Variants in SPON2 observed in about 807,000 individuals in gnomAD.
SPON2 encodes spondin-2.
SPON2 carries 32 observed loss-of-function variants against 29.9 expected under a neutral mutation model. The observed-to-expected ratio is 1.07, with a 90% CI of 0.81 to 1.44. The LOEUF is 1.44. Among genes scored for constraint, SPON2 ranks in the 40% most tolerant of loss-of-function variants. The probability of loss-of-function intolerance (pLI) is 0.00; values close to 1 mark genes in which losing one functional copy is unlikely to be tolerated. For synonymous variants in SPON2, 248 were observed against 209.1 expected (o/e 1.19, Z -1.61); for missense variants, 541 against 455.5 (o/e 1.19, Z -1.71).
At position 1,170,253 on chromosome 4, in the gene SPON2, A is replaced by G. The variant is rs367573628; in HGVS notation, c.811+149T>C. On this transcript the variant is annotated intron_variant, in intron 5 of 5. Transcript: ENST00000290902. Reference sequence around the variant, plus strand: ...TCACATCTTCAGTGTGTGAATCAACAGAATCCTAAATCTTCTAGGCACCAT... The same window carrying G: ...TCACATCTTCAGTGTGTGAATCAACGGAATCCTAAATCTTCTAGGCACCAT... 1.6e-4 allele frequency: 123 copies of G among 762,090 alleles called. No homozygotes were observed. The African/African-American group carries it at 2.0e-3, about 13-fold the overall frequency. The allele number at this position is 762,090 out of a possible 1,614,324, so 47.2% of individuals were successfully genotyped here.
upstream of SPON2, chr4:1,208,507 C>T (rs1254903991): frequency 6.6e-6 from 1 of 152,270 alleles, no homozygotes; most frequent in African/African-American, 2.4e-5. Context: ...CCCACCAAGG[C>T]GCAGTAGCCT....
intron 1 of SPON2, among the ~76,000 whole-genome samples, chr4:1,194,597 C>T (rs962524388): frequency 6.6e-5 from 10 of 152,172 alleles, no homozygotes; most frequent in African/African-American, 1.9e-4. Context: ...CCAGCTGCGC[C>T]GGAGGCCCCG....
chr4:1,194,475 C>G (rs1370847429), intron 1 of SPON2, among the ~76,000 whole-genome samples: 1 of 151,470 alleles, frequency 6.6e-6, no homozygotes. Flanking sequence ...TGGGAAGAAA[C>G]GGGGAAGCCG....
At chr4:1,200,871 GCCTGAC>G (rs1364421051) in intron 1 of SPON2, 1 of 456,608 alleles carries the variant, frequency 2.2e-6, no homozygotes, top group Non-Finnish European at 4.4e-6. Flanking sequence ...CACCAACCAG[GCCTGAC>G]CCTGACCACT....
chr4:1,170,629 G>T (rs759419110), intron 4 of SPON2, 53 bp from the exon 5 acceptor site: 8 of 1,553,166 alleles, frequency 5.2e-6, no homozygotes. Flanking sequence ...CCACCTTCTG[G>T]TATGCGTATG....
intron 1 of SPON2, among the ~76,000 whole-genome samples, chr4:1,182,135 C>A (rs1304913836): frequency 1.3e-5 from 2 of 151,962 alleles, no homozygotes; most frequent in South Asian, 2.1e-4. Flanking sequence ...ACATGATTTT[C>A]AAAATTGTGA....
intron 1 of SPON2, 134 bp downstream of exon 1, chr4:1,172,410 G>A (rs1727488909): frequency 2.2e-6 from 1 of 445,550 alleles, no homozygotes; most frequent in Non-Finnish European, 4.1e-6. Flanking sequence ...GGCTGCCCCC[G>A]GGACTAGACC....
At chr4:1,186,216 C>T (rs1448087763) in intron 1 of SPON2, among the ~76,000 whole-genome samples, 1 of 144,504 alleles carries the variant, frequency 6.9e-6, no homozygotes. Context: ...TATACTCCAG[C>T]TTGGGTGACA....
At chr4:1,188,291 T>A (rs1198725570) in intron 1 of SPON2, among the ~76,000 whole-genome samples, 1 of 147,946 alleles carries the variant, frequency 6.8e-6, no homozygotes, top group Non-Finnish European at 1.5e-5. Context: ...GAAGGCCATA[T>A]GGAAACAGAG....
At chr4:1,193,163 G>C (rs373040643) in intron 1 of SPON2, among the ~76,000 whole-genome samples, 5 of 152,330 alleles carry the variant, frequency 3.3e-5, no homozygotes, top group Non-Finnish European at 5.9e-5. Flanking sequence ...CACACACCAT[G>C]CACATGCCTG....
At chr4:1,177,681 T>C (rs138912369), upstream of SPON2, among the ~76,000 whole-genome samples, 370 of 152,284 alleles carry the variant, frequency 2.4e-3, 2 homozygotes, top group African/African-American at 8.7e-3. Flanking sequence ...TTTACCTTTC[T>C]GCATGGGTTC....
chr4:1,183,027 G>A (rs910592490), intron 1 of SPON2, among the ~76,000 whole-genome samples: 1 of 150,824 alleles, frequency 6.6e-6, no homozygotes. Flanking sequence ...TCCCAGCTGA[G>A]GTCAGGAGTT....
chr4:1,176,853 T>A (rs1446751221), upstream of SPON2, among the ~76,000 whole-genome samples: 3 of 145,704 alleles, frequency 2.1e-5, no homozygotes, highest in Non-Finnish European at 3.0e-5. Flanking sequence ...ATTCACACAC[T>A]TCATTCATTC....
chr4:1,195,891 C>G (rs1289734986), upstream of SPON2, among the ~76,000 whole-genome samples: 1 of 152,226 alleles, frequency 6.6e-6, no homozygotes, highest in African/African-American at 2.4e-5. Flanking sequence ...TGCTCAGCCT[C>G]CCATGGTGCT....
At chr4:1,167,945 C>A (rs1237886740) in intron 5 of SPON2, 1 of 346,918 alleles carries the variant, frequency 2.9e-6, no homozygotes, top group Non-Finnish European at 5.2e-6. Flanking sequence ...AGTAAGGGGC[C>A]CCTGGGAACC....
At chr4:1,202,000 G>T (rs1469362644) in intron 1 of SPON2, among the ~76,000 whole-genome samples, 1 of 152,198 alleles carries the variant, frequency 6.6e-6, no homozygotes, top group Non-Finnish European at 1.5e-5. Context: ...CAATTCAGTG[G>T]TTTTTAGCAT....
chr4:1,171,902 G>C lies in SPON2; in HGVS notation c.170C>G (p.Pro57Arg). ...FTGKWSQTAF[P>R]KQYPLFRPPA... is the part of the protein sequence containing the mutation. ...GGGGCGGAACAGGGGGTACTGCTTG[G>C]GGAAGGCCGTCTGGCTCCACTTGCC... is the stretch of plus-strand genomic sequence containing the variant. Residue 57 changes from proline (P) to arginine (R), a missense_variant, in exon 2 of 6, where the codon CCC becomes CGC. By Grantham distance (103) the Pro-to-Arg change is moderately radical (BLOSUM62 -2). Transcript: ENST00000290902. The C allele has an allele frequency of 1.2e-6, 2 of 1,613,022 alleles. No individual in the cohort carries two copies. Among genetic ancestry groups the C allele is most frequent in the Non-Finnish European group, 1.7e-6 (2 of 1,179,940 alleles).
intron 1 of SPON2, among the ~76,000 whole-genome samples, chr4:1,207,235 G>A (rs1728364169): frequency 6.6e-6 from 1 of 152,142 alleles, no homozygotes; most frequent in Non-Finnish European, 1.5e-5. Flanking sequence ...AGGGGGTGGA[G>A]GCCGGAGGCC....
rs1455704637 is a variant in SPON2 at position 1,200,749 on chromosome 4, C to G, written c.-234+7131G>C. On this transcript the variant is annotated intron_variant, in intron 1 of 3. Coordinates refer to the SPON2 transcript ENST00000509233. ...GGGGTGGTAAGGGGGAGGGGAGCAG[C>G]GAGGAGAGGGTGGGTGCAGCCCCCC... 8.9e-6 allele frequency: 4 copies of G among 450,358 alleles called. No homozygotes were observed. The Admixed American group carries it at 9.5e-5, about 11-fold the overall frequency. The allele number at this position is 450,358 out of a possible 1,614,324, so 27.9% of individuals were successfully genotyped here. A position where few individuals can be genotyped will look rare whatever the true frequency, so the allele number is the denominator to read the frequency against.
Sources: allele counts gnomAD v4.1 joint callset (sites outside exome capture counted in the v4.1 genomes callset), GRCh38; gene constraint gnomAD v4.1.1; transcripts MANE v1.5; gene names NCBI Gene and HGNC (gene_info 2026-07-23, HGNC 2026-07-21).